TATDN1: variants seen among roughly 807,000 people sequenced by gnomAD.
The protein encoded by TATDN1 is deoxyribonuclease TATDN1.
A neutral mutation model predicts 46.4 loss-of-function variants in TATDN1; 40 were observed. The ratio of observed to expected loss-of-function variants is 0.86; its 90% CI spans 0.67 to 1.12. The LOEUF (loss-of-function observed/expected upper bound fraction) is 1.12. Ranked by LOEUF, TATDN1 falls within the 50% of genes most tolerant of loss-of-function variation. The probability of loss-of-function intolerance (pLI) is 0.00; values close to 1 mark genes in which losing one functional copy is unlikely to be tolerated. For missense variants in TATDN1, 326 were observed against 348.4 expected (o/e 0.94, Z 0.51); for synonymous variants, 95 against 105.6 (o/e 0.90, Z 0.62).
chr8:124,502,456 C>T (rs1416704612), intron 9 of TATDN1, among the ~76,000 whole-genome samples: 1 of 151,826 alleles, frequency 6.6e-6, no homozygotes, highest in Non-Finnish European at 1.5e-5. Flanking sequence ...GTATTTCAAA[C>T]TTGACTTCAG....
At chr8:124,512,328 G>A (rs903142986) in intron 6 of TATDN1, among the ~76,000 whole-genome samples, 1 of 152,152 alleles carries the variant, frequency 6.6e-6, no homozygotes, top group Admixed American at 6.5e-5. Context: ...GGGAGGCTGA[G>A]GCAGGAGAAT....
chr8:124,517,834 C>T (rs1433144846), intron 4 of TATDN1, among the ~76,000 whole-genome samples: 2 of 152,102 alleles, frequency 1.3e-5, no homozygotes, highest in East Asian at 3.8e-4. Flanking sequence ...AATGGCCCTT[C>T]ACAGCTTAAG....
At chr8:124,501,707 A>G (rs1412458601) in intron 9 of TATDN1, among the ~76,000 whole-genome samples, 2 of 152,188 alleles carry the variant, frequency 1.3e-5, no homozygotes, top group African/African-American at 4.8e-5. Flanking sequence ...AAATAGAATA[A>G]AAAGAATACG....
intron 6 of TATDN1, among the ~76,000 whole-genome samples, chr8:124,513,123 G>T (rs1288958675): frequency 6.6e-6 from 1 of 152,148 alleles, no homozygotes; most frequent in Non-Finnish European, 1.5e-5. Flanking sequence ...ATGTTGGTAA[G>T]GCTGGTCTTG....
intron 1 of TATDN1, among the ~76,000 whole-genome samples, chr8:124,532,223 A>T (rs1249256402): frequency 6.6e-6 from 1 of 152,200 alleles, no homozygotes; most frequent in Non-Finnish European, 1.5e-5. Context: ...ATGTCCTTCG[A>T]CTATGATAAC....
At chr8:124,503,798 A>C (rs1818176714) in intron 9 of TATDN1, 4 of 674,742 alleles carry the variant, frequency 5.9e-6, no homozygotes, top group Non-Finnish European at 9.3e-6. Flanking sequence ...CAGAGTGAGA[A>C]GCCAGAGGAC....
chr8:124,527,715 T>C (rs1468430070), intron 1 of TATDN1, among the ~76,000 whole-genome samples: 1 of 151,932 alleles, frequency 6.6e-6, no homozygotes, highest in African/African-American at 2.4e-5. Context: ...TTTCCCCATT[T>C]TAGCCACGAT....
intron 6 of TATDN1, among the ~76,000 whole-genome samples, chr8:124,512,296 G>A (rs1011483849): frequency 2.0e-5 from 3 of 152,100 alleles, no homozygotes; most frequent in African/African-American, 7.2e-5. Context: ...ATGCTGATGG[G>A]CACCTGTAAT....
chr8:124,520,470 G>A lies in TATDN1; in HGVS notation c.139-1589C>T, dbSNP rs113927099. Among the ~76,000 whole-genome samples, 1,087 of 151,882 alleles carry A rather than the reference G, an allele frequency of 7.2e-3. 13 individuals are homozygous for A. The highest frequency in any genetic ancestry group is 0.025 in the African/African-American group (1,046 of 41,444). ...AAAAAAAGACTAATAAAAATATTGG[G>A]AAAACTTTCTTGTTACTAACATACC... On this transcript the variant is annotated intron_variant, in intron 3 of 11. Coordinates refer to ENST00000276692, the MANE Select transcript of TATDN1 (RefSeq NM_032026.4).
intron 6 of TATDN1, among the ~76,000 whole-genome samples, chr8:124,514,612 T>C (rs1336492937): frequency 6.6e-6 from 1 of 152,242 alleles, no homozygotes; most frequent in African/African-American, 2.4e-5. Context: ...TAACCCCCTT[T>C]AGAAGCTCAG....
intron 6 of TATDN1, among the ~76,000 whole-genome samples, chr8:124,513,921 T>C (rs1175351743): frequency 1.3e-5 from 2 of 152,214 alleles, no homozygotes; most frequent in Admixed American, 1.3e-4. Context: ...CGAGAACTTT[T>C]AAGGTTAAGT....
At chr8:124,536,604 A>G (rs1157752180) in intron 1 of TATDN1, among the ~76,000 whole-genome samples, 1 of 152,202 alleles carries the variant, frequency 6.6e-6, no homozygotes, top group Non-Finnish European at 1.5e-5. Context: ...CTTGTTATGC[A>G]AGTAGAAAAG....
intron 9 of TATDN1, among the ~76,000 whole-genome samples, chr8:124,502,141 C>T (rs147499517): frequency 0.011 from 1,636 of 151,900 alleles, 35 homozygotes; most frequent in East Asian, 0.07. Flanking sequence ...GAGACCATCC[C>T]GGCTAACACA....
At chr8:124,501,020 T>TG (rs1205187794) in intron 9 of TATDN1, among the ~76,000 whole-genome samples, 9 of 152,096 alleles carry the variant, frequency 5.9e-5, no homozygotes, top group African/African-American at 2.4e-5. Flanking sequence ...CAAGAGAAGA[T>TG]GGGGTTCCTA....
intron 1 of TATDN1, among the ~76,000 whole-genome samples, chr8:124,527,836 A>T (rs1820633472): frequency 6.6e-6 from 1 of 150,886 alleles, no homozygotes; most frequent in Non-Finnish European, 1.5e-5. Flanking sequence ...TGGACATCCT[A>T]GATCAACCAG....
chr8:124,538,981 G>C (rs756735126), intron 1 of TATDN1, 44 bp downstream of exon 1: 1 of 1,613,092 alleles, frequency 6.2e-7, no homozygotes, highest in African/African-American at 1.3e-5. Context: ...CGACGCCCGG[G>C]ACAAGTCAGA....
intron 1 of TATDN1, among the ~76,000 whole-genome samples, chr8:124,532,144 C>G (rs899914704): frequency 2.0e-5 from 3 of 152,012 alleles, no homozygotes; most frequent in Non-Finnish European, 4.4e-5. Flanking sequence ...GAGCCACATG[C>G]TGGGTGGCAG....
chr8:124,493,028 G>A (rs1817158817), intron 11 of TATDN1, among the ~76,000 whole-genome samples: 1 of 152,074 alleles, frequency 6.6e-6, no homozygotes, highest in Non-Finnish European at 1.5e-5. Context: ...TATTTTTATA[G>A]AATAATTCTT....
intron 6 of TATDN1, among the ~76,000 whole-genome samples, chr8:124,510,819 G>T (rs985550761): frequency 6.6e-6 from 1 of 152,044 alleles, no homozygotes; most frequent in South Asian, 2.1e-4. Context: ...GTGAGACCCT[G>T]TCTCAAAGAA....
Sources: gnomAD v4.1 joint callset for allele counts (sites outside exome capture counted in the v4.1 genomes callset) on GRCh38, gnomAD v4.1.1 for gene constraint, MANE v1.5 for transcripts, NCBI Gene and HGNC (gene_info 2026-07-23, HGNC 2026-07-21) for gene names.